The following DLGAP2 variants were observed in gnomAD, a reference collection of about 807,000 sequenced individuals.
The protein encoded by DLGAP2 is disks large-associated protein 2.
Under a neutral mutation model 100.3 loss-of-function variants are expected in DLGAP2, and 26 were observed. The observed-to-expected ratio is 0.26, with a 90% CI of 0.19 to 0.36. The LOEUF (loss-of-function observed/expected upper bound fraction) is 0.36, where lower values mean the gene tolerates loss of function less well. Ranked by LOEUF, DLGAP2 falls within the 10% of genes least tolerant of loss-of-function variation. The probability of loss-of-function intolerance (pLI) is 1.00; values close to 1 mark genes in which losing one functional copy is unlikely to be tolerated. For missense variants in DLGAP2, 1,858 were observed against 1,453.2 expected, an observed-to-expected ratio of 1.28 and a Z score of -4.53; for synonymous variants, 886 against 630.1, an observed-to-expected ratio of 1.41 and a Z score of -6.08.
chr8:1,231,545 G>A (rs887924461), intron 2 of DLGAP2, among the ~76,000 whole-genome samples: 14 of 152,160 alleles, frequency 9.2e-5, no homozygotes, highest in African/African-American at 3.4e-4. Context: ...CCTATTCATT[G>A]CAGCACTACT....
chr8:894,367 C>T (rs2128996188), intron 1 of DLGAP2, among the ~76,000 whole-genome samples: 1 of 152,234 alleles, frequency 6.6e-6, no homozygotes, highest in Non-Finnish European at 1.5e-5. Context: ...AGCCAAGATG[C>T]TGAATCTACC....
At chr8:1,339,855 G>T (rs1311388084) in intron 3 of DLGAP2, among the ~76,000 whole-genome samples, 1 of 152,198 alleles carries the variant, frequency 6.6e-6, no homozygotes, top group Non-Finnish European at 1.5e-5. Context: ...ATAGATAAAA[G>T]GTGGAACTTA....
chr8:1,096,813 G>C (rs376343177), intron 2 of DLGAP2, among the ~76,000 whole-genome samples: 394 of 62,720 alleles, frequency 6.3e-3, no homozygotes, highest in Middle Eastern at 0.023. Flanking sequence ...GTGAGACCCA[G>C]CTCCCTGCGC....
chr8:1,006,459 G>A (rs1402579484), intron 2 of DLGAP2, among the ~76,000 whole-genome samples: 3 of 127,898 alleles, frequency 2.3e-5, no homozygotes, highest in Non-Finnish European at 4.9e-5. Flanking sequence ...CTCAAGTCTT[G>A]GTATGTGGTC....
chr8:1,580,837 C>T (rs1180401072), intron 6 of DLGAP2, among the ~76,000 whole-genome samples: 1 of 150,700 alleles, frequency 6.6e-6, no homozygotes, highest in Non-Finnish European at 1.5e-5. Context: ...ACAGACAAAA[C>T]CCCACACATC....
chr8:1,526,831 C>T (rs916129757), intron 4 of DLGAP2, among the ~76,000 whole-genome samples: 1 of 152,158 alleles, frequency 6.6e-6, no homozygotes, highest in Non-Finnish European at 1.5e-5. Context: ...TTCCATTTAC[C>T]TCTCAGGCCC....
intron 2 of DLGAP2, among the ~76,000 whole-genome samples, chr8:1,207,441 G>GGT (rs765334259): frequency 3.3e-5 from 5 of 152,122 alleles, no homozygotes; most frequent in Admixed American, 1.3e-4. Flanking sequence ...AGTATTCCAT[G>GGT]GTATATATAT....
At chr8:1,544,563 C>G (rs558006343) in intron 4 of DLGAP2, among the ~76,000 whole-genome samples, 1 of 152,252 alleles carries the variant, frequency 6.6e-6, no homozygotes, top group East Asian at 1.9e-4. Flanking sequence ...TTTTCTGTAT[C>G]AATTGTGTTG....
intron 2 of DLGAP2, among the ~76,000 whole-genome samples, chr8:1,244,165 C>T (rs998246895): frequency 1.3e-5 from 2 of 152,208 alleles, no homozygotes; most frequent in African/African-American, 4.8e-5. Flanking sequence ...AGAGGCTCTT[C>T]GATGCCTCTG....
At chr8:1,386,685 A>T (rs1180663202) in intron 3 of DLGAP2, among the ~76,000 whole-genome samples, 3 of 152,212 alleles carry the variant, frequency 2.0e-5, no homozygotes, top group Non-Finnish European at 4.4e-5. Flanking sequence ...GCGGGGATCC[A>T]GGAACCAGGG....
At chr8:1,411,212 G>T (rs1290255149) in intron 3 of DLGAP2, among the ~76,000 whole-genome samples, 1 of 152,110 alleles carries the variant, frequency 6.6e-6, no homozygotes, top group Non-Finnish European at 1.5e-5. Flanking sequence ...CAATAATTTG[G>T]TCTGAAAATG....
intron 2 of DLGAP2, among the ~76,000 whole-genome samples, chr8:1,022,798 C>T (rs752342106): frequency 6.6e-6 from 1 of 151,758 alleles, no homozygotes; most frequent in Admixed American, 6.6e-5. Flanking sequence ...GACACTCCAG[C>T]CGCCACCCAT....
chr8:1,293,914 G>C (rs904501178), intron 3 of DLGAP2, among the ~76,000 whole-genome samples: 9 of 152,212 alleles, frequency 5.9e-5, no homozygotes, highest in Non-Finnish European at 2.9e-5. Context: ...TCCTAAAGCT[G>C]ATTGATTTTC....
chr8:755,951 G>A lies in DLGAP2; in HGVS notation c.18+18126G>A, dbSNP rs369805096. ...TGGGGTGTGCCCACAGGTGGTCGGG[G>A]GATCCAGGGTCATCCTAGTGCTTAC... On this transcript the variant is annotated intron_variant, in intron 1 of 14. Transcript: ENST00000637795. 2.0e-5 allele frequency among the ~76,000 whole-genome samples: 3 copies of A among 152,332 alleles called. No individual in the cohort carries two copies. The South Asian group carries it at 6.2e-4, about 32-fold the overall frequency.
intron 3 of DLGAP2, among the ~76,000 whole-genome samples, chr8:1,460,120 G>T (rs733599): frequency 0.5 from 76,470 of 151,620 alleles, 19,743 homozygotes; most frequent in East Asian, 0.84. Context: ...GGCCGGACTC[G>T]GTTCTGCGGC....
At chr8:1,533,744 T>G (rs774470204) in intron 4 of DLGAP2, among the ~76,000 whole-genome samples, 1 of 152,100 alleles carries the variant, frequency 6.6e-6, no homozygotes, top group Non-Finnish European at 1.5e-5. Context: ...AATAGTACCT[T>G]AAAAATACTG....
intron 2 of DLGAP2, among the ~76,000 whole-genome samples, chr8:1,239,468 A>G (rs1798734013): frequency 2.2e-5 from 1 of 45,574 alleles, no homozygotes; most frequent in African/African-American, 1.4e-4. Flanking sequence ...TCTCTCACAC[A>G]TAGCGTCATG....
Position 1,438,138 on chromosome 8 carries a change from G to C in DLGAP2, c.107-63228G>C, listed in dbSNP as rs542481356. Among the ~76,000 whole-genome samples, 140 of 152,262 alleles carry C rather than the reference G, an allele frequency of 9.2e-4. 1 individual carries two copies. The highest frequency in any genetic ancestry group is 3.2e-3 in the African/African-American group (132 of 41,530). On this transcript the variant is annotated intron_variant, in intron 3 of 14. Coordinates refer to ENST00000637795, the MANE Select transcript of DLGAP2 (RefSeq NM_001346810.2). ...CAGTACTCCTGTCTCAGGAAGTGCCGGAGGAAGTGCTCCCATCGTGTGGGT... is the reference window on the plus strand; with the variant it reads ...CAGTACTCCTGTCTCAGGAAGTGCCCGAGGAAGTGCTCCCATCGTGTGGGT...
chr8:914,697 G>T (rs747078549), intron 2 of DLGAP2, among the ~76,000 whole-genome samples: 11 of 152,202 alleles, frequency 7.2e-5, no homozygotes, highest in Non-Finnish European at 1.5e-4. Flanking sequence ...ATTTATCTAG[G>T]TTTGTGGTTT....
Sources: gnomAD v4.1 joint callset for allele counts (sites outside exome capture counted in the v4.1 genomes callset) on GRCh38, gnomAD v4.1.1 for gene constraint, MANE v1.5 for transcripts, NCBI Gene and HGNC (gene_info 2026-07-23, HGNC 2026-07-21) for gene names.